GSG1: variants seen among roughly 807,000 people sequenced by gnomAD.
The protein encoded by GSG1 is germ cell associated 1.
A neutral mutation model predicts 30.8 loss-of-function variants in GSG1; 28 were observed. The ratio of observed to expected loss-of-function variants is 0.91; its 90% confidence interval spans 0.67 to 1.25. The LOEUF (loss-of-function observed/expected upper bound fraction) is 1.25, where lower values mean the gene tolerates loss of function less well. Among genes scored for constraint, GSG1 ranks in the 50% most tolerant of loss-of-function variants. The pLI is 0.00. For synonymous variants in GSG1, 162 were observed against 178.0 expected (o/e 0.91, Z 0.71); for missense variants, 435 against 444.7 (o/e 0.98, Z 0.20).
Position 13,101,978 on chromosome 12 carries a change from C to T in GSG1, c.48+1487G>A, listed in dbSNP as rs983967362. Among the ~76,000 whole-genome samples the T allele has an allele frequency of 6.6e-6, 1 of 152,118 alleles. No homozygotes were observed. The highest frequency in any genetic ancestry group is 1.5e-5 in the Non-Finnish European group (1 of 68,006). On this transcript the variant is annotated intron_variant, in intron 1 of 6. Coordinates refer to ENST00000651961, the MANE Select transcript of GSG1 (RefSeq NM_001080555.4). The surrounding 1 kb of genome is among the most constrained non-coding windows in gnomAD (Gnocchi z 5.8). ...TTGTCCTTCTTAGTTCTGTGAAAATCGAAAACAGGTAGAAGAAGAGTGCCT... is the reference window on the plus strand; with the variant it reads ...TTGTCCTTCTTAGTTCTGTGAAAATTGAAAACAGGTAGAAGAAGAGTGCCT...
intron 1 of GSG1, among the ~76,000 whole-genome samples, chr12:13,098,138 TTTG>T: frequency 6.6e-6 from 1 of 150,646 alleles, no homozygotes; most frequent in South Asian, 2.1e-4. Context: ...TTTTGTGTTC[TTTG>T]TTTTTTTTTT....
At position 13,090,887 on chromosome 12, in the gene GSG1, G is replaced by A. The variant is rs1409400601; in HGVS notation, c.49-69C>T. ...CTTGACTCAGAGCCGCCTCGGAGATGTGGCCATCCTTCCCTGCACTCCCTC... is the reference window on the plus strand; with the variant it reads ...CTTGACTCAGAGCCGCCTCGGAGATATGGCCATCCTTCCCTGCACTCCCTC... On this transcript the variant is annotated intron_variant, in intron 1 of 6. Coordinates refer to ENST00000651961, the MANE Select transcript of GSG1 (RefSeq NM_001080555.4). The A allele has an allele frequency of 3.0e-6, 4 of 1,345,866 alleles. No individual in the cohort carries two copies. The African/African-American group carries it at 5.8e-5, about 19-fold the overall frequency. The allele number at this position is 1,345,866 out of a possible 1,614,324, so 83.4% of individuals were successfully genotyped here. A position where few individuals can be genotyped will look rare whatever the true frequency, so the allele number is the denominator to read the frequency against.
At chr12:13,089,558 G>A (rs1865885194) in intron 2 of GSG1, among the ~76,000 whole-genome samples, 1 of 152,200 alleles carries the variant, frequency 6.6e-6, no homozygotes, top group African/African-American at 2.4e-5. Context: ...AGGGGCAGGA[G>A]ACCTGGCAGA....
At chr12:13,103,363 GA>G (rs1863355257) in intron 1 of GSG1, 101 bp downstream of exon 1, 1 of 874,830 alleles carries the variant, frequency 1.1e-6, no homozygotes, top group South Asian at 1.4e-5. Context: ...GTGACCATGT[GA>G]AATACATGAA....
chr12:13,093,277 G>A lies in GSG1; in HGVS notation c.49-2459C>T, dbSNP rs915628228. ...ATTCCAAATGCTCTTTGTGATAATC[G>A]TTTTTGGCTTTGTCTTCACTGACAG... On this transcript the variant is annotated intron_variant, in intron 1 of 6. Coordinates refer to ENST00000651961, the MANE Select transcript of GSG1 (RefSeq NM_001080555.4). This position sits in a 1 kb window ranked among gnomAD's most constrained non-coding sequence, Gnocchi z 4.6. 2.6e-5 allele frequency among the ~76,000 whole-genome samples: 4 copies of A among 152,138 alleles called. No individual in the cohort carries two copies. Among genetic ancestry groups the A allele is most frequent in the South Asian group, 2.1e-4 (1 of 4,830 alleles).
rs991970235 is a variant in GSG1, at chr12:13,090,525, A to G, written c.342T>C (p.Cys114=). 1 of 1,611,536 alleles carries G rather than the reference A, an allele frequency of 6.2e-7. No homozygotes were observed. The highest frequency in any genetic ancestry group is 8.5e-7 in the Non-Finnish European group (1 of 1,177,894). The part of the protein sequence containing the change: ...RSFRSGMWLS[C]EETVEEPALL... ...TACCTGGTTCTTCCACAGTTTCCTC[A>G]CAGGATAGCCACATGCCACTCCGGA... Residue 114 remains cysteine, a synonymous_variant, in exon 2 of 7, where the codon TGT becomes TGC. Transcript: ENST00000651961.
intron 1 of GSG1, 102 bp downstream of exon 1, chr12:13,103,363 G>T (rs1863354984): frequency 5.7e-6 from 5 of 874,830 alleles, no homozygotes; most frequent in Admixed American, 3.5e-5. Context: ...GTGACCATGT[G>T]AAATACATGA....
At chr12:13,087,603 C>G (rs939741733) in intron 5 of GSG1, among the ~76,000 whole-genome samples, 7 of 152,172 alleles carry the variant, frequency 4.6e-5, no homozygotes, top group African/African-American at 1.7e-4. Flanking sequence ...TTCACTTTAT[C>G]CAATGGAGAC....
chr12:13,087,264 C>T lies in GSG1; in HGVS notation c.635-1G>A, dbSNP rs1865636515. 1 of 1,610,650 alleles carries T rather than the reference C, an allele frequency of 6.2e-7. No individual in the cohort carries two copies. Among genetic ancestry groups the T allele is most frequent in the Non-Finnish European group, 8.5e-7 (1 of 1,176,868 alleles). On this transcript the variant is annotated splice_acceptor_variant, in intron 5 of 6. Transcript: ENST00000651961. LOFTEE classifies it high-confidence loss of function. ...ATGTGGGCCACCATCCCCAGGAGAC[C>T]TACCAAGGAAACAGGAAGGCAGAGC...
In GSG1 at chr12:13,083,620, T is replaced by C. The variant is rs1865279566; in HGVS notation, c.*1281A>G. The C allele has an allele frequency of 6.6e-6, 1 of 151,502 alleles. No homozygotes were observed. Among genetic ancestry groups the C allele is most frequent in the Non-Finnish European group, 1.5e-5 (1 of 67,914 alleles). 9.4% of individuals were successfully genotyped at this position (151,502 alleles called of 1,614,324 possible). A position where few individuals can be genotyped will look rare whatever the true frequency, so the allele number is the denominator to read the frequency against. ...GTTACATATGTATACATGTGCCATGTTGGTGTGCTGCACCCATTAACTCGT... is the reference window on the plus strand; with the variant it reads ...GTTACATATGTATACATGTGCCATGCTGGTGTGCTGCACCCATTAACTCGT... On this transcript the variant is annotated 3_prime_UTR_variant, in exon 7 of 7. Transcript: ENST00000651961.
Position 13,093,764 on chromosome 12 carries a change from G to T in GSG1, c.49-2946C>A, listed in dbSNP as rs1040855659. On this transcript the variant is annotated intron_variant, in intron 1 of 6. Transcript: ENST00000651961. This position sits in a 1 kb window ranked among gnomAD's most constrained non-coding sequence, Gnocchi z 4.6. ...CCTGCCTCACAGTGGGGACATAGGGGAGGCTGCCGAAAGAACTGAGGCCCC... is the reference window on the plus strand; with the variant it reads ...CCTGCCTCACAGTGGGGACATAGGGTAGGCTGCCGAAAGAACTGAGGCCCC... Among the ~76,000 whole-genome samples, 1 of 152,162 alleles carries T rather than the reference G, an allele frequency of 6.6e-6. No homozygotes were observed.
At position 13,101,198 on chromosome 12, in the gene GSG1, G is replaced by A. The variant is rs1863169089; in HGVS notation, c.48+2267C>T. On this transcript the variant is annotated intron_variant, in intron 1 of 6. Transcript: ENST00000651961. The surrounding 1 kb of genome is among the most constrained non-coding windows in gnomAD (Gnocchi z 5.8). ...CCGCGGGGCGGGGCGGGGGCGTAAC[G>A]GGTGGGGCCTCTCGGGGGTGCCTGG... Among the ~76,000 whole-genome samples the A allele has an allele frequency of 6.6e-6, 1 of 151,932 alleles. No homozygotes were observed. Among genetic ancestry groups the A allele is most frequent in the Admixed American group, 6.5e-5 (1 of 15,282 alleles).
chr12:13,087,644 C>T (rs1329371476), intron 5 of GSG1, among the ~76,000 whole-genome samples: 4 of 152,200 alleles, frequency 2.6e-5, no homozygotes, highest in Non-Finnish European at 4.4e-5. Flanking sequence ...TATGTCACAA[C>T]TGAAAAGTAA....
At chr12:13,092,793 T>C (rs955147956) in intron 1 of GSG1, among the ~76,000 whole-genome samples, 3 of 146,724 alleles carry the variant, frequency 2.0e-5, no homozygotes, top group Admixed American at 6.8e-5. Flanking sequence ...CTTTTTCTTT[T>C]TTTTTTTTTT....
intron 1 of GSG1, among the ~76,000 whole-genome samples, chr12:13,100,619 C>G (rs1863127409): frequency 6.6e-6 from 1 of 152,216 alleles, no homozygotes; most frequent in African/African-American, 2.4e-5. Flanking sequence ...AACTTCTGAG[C>G]TTTTGCTGCT....
chr12:13,102,826 T>C (rs1018244849), intron 1 of GSG1, among the ~76,000 whole-genome samples: 19 of 152,250 alleles, frequency 1.2e-4, no homozygotes, highest in African/African-American at 4.3e-4. Context: ...GCTGGTCGTT[T>C]CTGAATGTAG....
chr12:13,101,126 C>T lies in GSG1; in HGVS notation c.48+2339G>A, dbSNP rs995326365. ...ATCCTGTGGGGCAATCGCTCACGCG[C>T]GGGTGACGGCGCCAGCAGGCCGGCT... On this transcript the variant is annotated intron_variant, in intron 1 of 6. Coordinates refer to ENST00000651961, the MANE Select transcript of GSG1 (RefSeq NM_001080555.4). The surrounding 1 kb of genome is among the most constrained non-coding windows in gnomAD (Gnocchi z 5.8). 3.4e-5 allele frequency among the ~76,000 whole-genome samples: 5 copies of T among 148,102 alleles called. No homozygotes were observed. Among genetic ancestry groups the T allele is most frequent in the African/African-American group, 1.2e-4 (5 of 40,758 alleles).
At chr12:13,097,468 C>G (rs1188688705) in intron 1 of GSG1, among the ~76,000 whole-genome samples, 1 of 152,124 alleles carries the variant, frequency 6.6e-6, no homozygotes, top group Non-Finnish European at 1.5e-5. Context: ...CTTGGCCTCC[C>G]AAAGTGCTGG....
At position 13,101,696 on chromosome 12, in the gene GSG1, C is replaced by G. The variant is rs1486807334; in HGVS notation, c.48+1769G>C. Among the ~76,000 whole-genome samples the G allele has an allele frequency of 1.3e-5, 2 of 152,334 alleles. No individual in the cohort carries two copies. Among genetic ancestry groups the G allele is most frequent in the East Asian group, 3.9e-4 (2 of 5,176 alleles). On this transcript the variant is annotated intron_variant, in intron 1 of 6. Coordinates refer to ENST00000651961, the MANE Select transcript of GSG1 (RefSeq NM_001080555.4). This position sits in a 1 kb window ranked among gnomAD's most constrained non-coding sequence, Gnocchi z 5.8. ...CGGTGGGCCAGGGCTCGGGATGTGT[C>G]GAGCTGCTGGAGTCCAAAGTCAGGC...
Sources: gnomAD v4.1 joint callset for allele counts (sites outside exome capture counted in the v4.1 genomes callset) on GRCh38, gnomAD v4.1.1 for gene constraint, Gnocchi (gnomAD v3.1) non-coding constraint, MANE v1.5 for transcripts, NCBI Gene and HGNC (gene_info 2026-07-23, HGNC 2026-07-21) for gene names.